The following KIAA1671 variants were observed in gnomAD, a reference collection of about 807,000 sequenced individuals.
KIAA1671 encodes the protein uncharacterized protein KIAA1671.
KIAA1671 carries 52 observed loss-of-function variants against 131.2 expected under a neutral mutation model. The ratio of observed to expected loss-of-function variants is 0.40; its 90% CI spans 0.32 to 0.50. KIAA1671 has a LOEUF of 0.50. Among genes scored for constraint, KIAA1671 ranks in the 20% least tolerant of loss-of-function variants. The pLI is 0.73. For missense variants in KIAA1671, 2,360 were observed against 2,364.2 expected (o/e 1.00, Z 0.04); for synonymous variants, 1,003 against 961.6 (o/e 1.04, Z -0.80).
intron 6 of KIAA1671, among the ~76,000 whole-genome samples, chr22:25,161,338 G>A (rs779404112): frequency 1.4e-4 from 21 of 152,218 alleles, no homozygotes; most frequent in Non-Finnish European, 2.5e-4. Flanking sequence ...GGATGCCCAC[G>A]TAGACCACTG....
chr22:25,013,549 T>G (rs1925152185), intron 1 of KIAA1671: 1 of 152,232 alleles, frequency 6.6e-6, no homozygotes, highest in Non-Finnish European at 1.5e-5. Context: ...AATTATTTCT[T>G]TATATTTCCT....
chr22:25,197,333 G>A lies in KIAA1671; in HGVS notation c.*4932G>A, dbSNP rs1211643823. ...AAAGAAGTTTCATATGCACAGAAGA[G>A]CAGTTGGAAATCTGGTCGACTGCAA... On this transcript the variant is annotated 3_prime_UTR_variant, in exon 13 of 13. Transcript: ENST00000358431. 1 of 152,218 alleles carries A rather than the reference G, an allele frequency of 6.6e-6. No individual in the cohort carries two copies. The highest frequency in any genetic ancestry group is 1.5e-5 in the Non-Finnish European group (1 of 68,050). The allele number at this position is 152,218 out of a possible 1,614,324, so 9.4% of individuals were successfully genotyped here.
intron 6 of KIAA1671, among the ~76,000 whole-genome samples, chr22:25,122,899 C>G (rs1428866199): frequency 1.3e-5 from 2 of 151,952 alleles, no homozygotes; most frequent in East Asian, 3.9e-4. Flanking sequence ...GGTGTGAACC[C>G]GGGAGACAGA....
intron 6 of KIAA1671, among the ~76,000 whole-genome samples, chr22:25,106,037 G>A (rs1034588194): frequency 2.6e-5 from 4 of 152,208 alleles, no homozygotes; most frequent in African/African-American, 7.2e-5. Context: ...CAGTAGTGAT[G>A]GTGGTGATGG....
chr22:25,091,333 C>G (rs1930018722), intron 6 of KIAA1671, among the ~76,000 whole-genome samples: 1 of 152,172 alleles, frequency 6.6e-6, no homozygotes, highest in South Asian at 2.1e-4. Flanking sequence ...GCTGGGATTA[C>G]AGGCATGAGC....
chr22:25,019,684 CAAA>C (rs113527162), intron 1 of KIAA1671, among the ~76,000 whole-genome samples: 4 of 146,080 alleles, frequency 2.7e-5, no homozygotes, highest in Admixed American at 6.8e-5. Flanking sequence ...ACCTTGAATA[CAAA>C]AAAAAAAAAA....
At chr22:25,146,877 A>G (rs984553338) in intron 6 of KIAA1671, among the ~76,000 whole-genome samples, 12 of 152,218 alleles carry the variant, frequency 7.9e-5, no homozygotes, top group African/African-American at 2.9e-4. Context: ...GAGCTAGTTG[A>G]GCTGGGCAGA....
intron 6 of KIAA1671, among the ~76,000 whole-genome samples, chr22:25,098,829 G>A (rs1344100817): frequency 3.9e-5 from 6 of 152,140 alleles, no homozygotes; most frequent in Admixed American, 6.5e-5. Context: ...TGCCCTCTCC[G>A]CCCACCCCAG....
chr22:25,100,836 G>A (rs1021063323), intron 6 of KIAA1671, among the ~76,000 whole-genome samples: 3 of 152,174 alleles, frequency 2.0e-5, no homozygotes, highest in Non-Finnish European at 2.9e-5. Flanking sequence ...AGTGCCTGTT[G>A]AAGTCAGAAG....
chr22:25,167,380 G>T (rs1312614822), intron 6 of KIAA1671, among the ~76,000 whole-genome samples: 1 of 152,100 alleles, frequency 6.6e-6, no homozygotes, highest in Non-Finnish European at 1.5e-5. Context: ...TAGCCTCAGG[G>T]GTGTTCGTCA....
At chr22:24,972,249 A>C (rs1261122423) in intron 1 of KIAA1671, among the ~76,000 whole-genome samples, 2 of 152,222 alleles carry the variant, frequency 1.3e-5, no homozygotes, top group African/African-American at 4.8e-5. Context: ...AGCACTTGCT[A>C]CATGTTTTAT....
intron 6 of KIAA1671, 95 bp downstream of exon 6, chr22:25,049,459 G>C (rs1927416436): frequency 7.2e-7 from 1 of 1,384,948 alleles, no homozygotes; most frequent in African/African-American, 1.4e-5. Flanking sequence ...GGACAGCCCA[G>C]GGCCCTGACG....
At chr22:25,128,716 G>A (rs901104627) in intron 6 of KIAA1671, among the ~76,000 whole-genome samples, 31 of 152,128 alleles carry the variant, frequency 2.0e-4, no homozygotes, top group African/African-American at 7.5e-4. Flanking sequence ...ATAAGCCATT[G>A]CTTTAGACCC....
At chr22:24,960,247 A>T in intron 1 of KIAA1671, among the ~76,000 whole-genome samples, 1 of 151,726 alleles carries the variant, frequency 6.6e-6, no homozygotes, top group East Asian at 2.0e-4. Flanking sequence ...GATTTACCTC[A>T]TTATTTTTAA....
intron 6 of KIAA1671, chr22:25,063,714 A>C (rs959989487): frequency 1.3e-5 from 2 of 152,232 alleles, no homozygotes; most frequent in South Asian, 2.1e-4. Context: ...ATTGAAATAT[A>C]AAACAATCTT....
chr22:25,093,806 C>CTCTCTCTCTT (rs1930227139), intron 6 of KIAA1671, among the ~76,000 whole-genome samples: 1 of 128,528 alleles, frequency 7.8e-6, no homozygotes. Context: ...CTCTCTCTCT[C>CTCTCTCTCTT]TCTCTGTCTC....
chr22:25,008,055 G>C (rs546421597), intron 1 of KIAA1671, among the ~76,000 whole-genome samples: 1 of 151,926 alleles, frequency 6.6e-6, no homozygotes, highest in African/African-American at 2.4e-5. Context: ...AAAATTAGCC[G>C]GGCGTGGTGG....
At chr22:24,955,584 G>A (rs778176504) in intron 1 of KIAA1671, among the ~76,000 whole-genome samples, 64 of 152,304 alleles carry the variant, frequency 4.2e-4, no homozygotes, top group African/African-American at 7.5e-4. Context: ...AGCGTGGGGC[G>A]CTGTGGATCA....
chr22:25,144,577 C>A (rs1039278680), intron 6 of KIAA1671, among the ~76,000 whole-genome samples: 6 of 152,190 alleles, frequency 3.9e-5, no homozygotes, highest in African/African-American at 1.4e-4. Flanking sequence ...GGCTGGAATA[C>A]CCTTCGGAGT....
Sources: allele counts gnomAD v4.1 joint callset (sites outside exome capture counted in the v4.1 genomes callset), GRCh38; gene constraint gnomAD v4.1.1; transcripts MANE v1.5; gene names NCBI Gene and HGNC (gene_info 2026-07-23, HGNC 2026-07-21).